The following AGBL1 variants were observed in gnomAD, a reference collection of about 807,000 sequenced individuals.
AGBL1 encodes AGBL carboxypeptidase 1.
Under a neutral mutation model 118.9 loss-of-function variants are expected in AGBL1, and 130 were observed. The observed-to-expected ratio is 1.09, with a 90% CI of 0.95 to 1.26. AGBL1 has a LOEUF of 1.26. AGBL1 is among the 50% of genes most tolerant of loss of function. The probability of loss-of-function intolerance (pLI) is 0.00; values close to 1 mark genes in which losing one functional copy is unlikely to be tolerated. For synonymous variants in AGBL1, 555 were observed against 478.9 expected (o/e 1.16, Z -2.08); for missense variants, 1,584 against 1,298.1 (o/e 1.22, Z -3.38).
chr15:86,210,114 C>G (rs1286449397), intron 5 of AGBL1, among the ~76,000 whole-genome samples: 1 of 152,154 alleles, frequency 6.6e-6, no homozygotes, highest in African/African-American at 2.4e-5. Context: ...GTTGAAAATT[C>G]TTTTCTTTAA....
At chr15:87,015,887 G>A (rs1237866325) in intron 24 of AGBL1, among the ~76,000 whole-genome samples, 1 of 152,170 alleles carries the variant, frequency 6.6e-6, no homozygotes, top group Non-Finnish European at 1.5e-5. Context: ...TACTACCTTA[G>A]AATGATGTTA....
intron 1 of AGBL1, among the ~76,000 whole-genome samples, chr15:86,100,136 A>G (rs1896624546): frequency 6.6e-6 from 1 of 152,140 alleles, no homozygotes; most frequent in Non-Finnish European, 1.5e-5. Flanking sequence ...GATATATGAC[A>G]GTTATTGAAT....
At chr15:86,706,583 A>G (rs1453058413) in intron 22 of AGBL1, among the ~76,000 whole-genome samples, 3 of 152,152 alleles carry the variant, frequency 2.0e-5, no homozygotes, top group African/African-American at 7.2e-5. Context: ...TAGTAATCAC[A>G]ATTCCCTAAG....
At chr15:86,140,306 G>A (rs1378919685) in intron 1 of AGBL1, 1 of 151,520 alleles carries the variant, frequency 6.6e-6, no homozygotes, top group East Asian at 1.9e-4. Flanking sequence ...GCCCTGGCTG[G>A]GATTTTGAAG....
At chr15:86,570,237 T>C (rs2083984563) in intron 21 of AGBL1, among the ~76,000 whole-genome samples, 1 of 152,208 alleles carries the variant, frequency 6.6e-6, no homozygotes, top group African/African-American at 2.4e-5. Context: ...ACCAGTGGGC[T>C]GGGGGAGGTC....
intron 18 of AGBL1, among the ~76,000 whole-genome samples, chr15:86,438,467 A>G (rs892300406): frequency 1.1e-4 from 17 of 152,104 alleles, no homozygotes; most frequent in Non-Finnish European, 2.1e-4. Flanking sequence ...TTATCCCCCA[A>G]TTCCTCTATC....
At chr15:86,521,946 C>A (rs1246761859) in intron 18 of AGBL1, among the ~76,000 whole-genome samples, 2 of 152,038 alleles carry the variant, frequency 1.3e-5, no homozygotes, top group Non-Finnish European at 2.9e-5. Context: ...GTAAATAATA[C>A]CTTAGCAGGA....
intron 21 of AGBL1, among the ~76,000 whole-genome samples, chr15:86,583,307 A>G (rs1028859222): frequency 6.6e-6 from 1 of 152,092 alleles, no homozygotes; most frequent in Admixed American, 6.6e-5. Context: ...TACTTAGCAT[A>G]CTACCTCATA....
intron 23 of AGBL1, among the ~76,000 whole-genome samples, chr15:86,954,902 T>A (rs1370194721): frequency 6.6e-6 from 1 of 152,230 alleles, no homozygotes; most frequent in African/African-American, 2.4e-5. Flanking sequence ...GACTTATTAG[T>A]CATGATAACT....
At chr15:86,569,443 T>C (rs2083969517) in intron 21 of AGBL1, among the ~76,000 whole-genome samples, 1 of 151,954 alleles carries the variant, frequency 6.6e-6, no homozygotes, top group Non-Finnish European at 1.5e-5. Context: ...ATCCGGATGC[T>C]AATCTATCAT....
intron 1 of AGBL1, among the ~76,000 whole-genome samples, chr15:86,095,296 C>A (rs1226960642): frequency 6.6e-6 from 1 of 152,152 alleles, no homozygotes; most frequent in Non-Finnish European, 1.5e-5. Context: ...TTGGCAGTTA[C>A]TTTGATCTCC....
intron 21 of AGBL1, among the ~76,000 whole-genome samples, chr15:86,605,216 C>T (rs940969674): frequency 2.0e-5 from 3 of 152,088 alleles, no homozygotes; most frequent in Non-Finnish European, 2.9e-5. Flanking sequence ...AGCTAACATT[C>T]CTTCAGCTTT....
At chr15:86,312,029 A>G (rs2079928731) in intron 17 of AGBL1, 1 of 152,210 alleles carries the variant, frequency 6.6e-6, no homozygotes, top group South Asian at 2.1e-4. Flanking sequence ...ATTTTTTCAC[A>G]ATGAATGTTC....
chr15:86,854,325 C>G (rs374148497), intron 22 of AGBL1, among the ~76,000 whole-genome samples: 1 of 152,092 alleles, frequency 6.6e-6, no homozygotes, highest in South Asian at 2.1e-4. Flanking sequence ...GCCTGATATG[C>G]CCATATGCTC....
At chr15:86,474,153 G>A (rs568629357) in intron 18 of AGBL1, among the ~76,000 whole-genome samples, 8 of 152,238 alleles carry the variant, frequency 5.3e-5, no homozygotes, top group Admixed American at 2.6e-4. Context: ...TGTGAGTGAC[G>A]CAGAAGACAG....
chr15:86,256,539 G>A (rs185436922), intron 7 of AGBL1, among the ~76,000 whole-genome samples: 3 of 152,356 alleles, frequency 2.0e-5, no homozygotes, highest in African/African-American at 7.2e-5. Context: ...CCTGAGCAAT[G>A]TCTTGCCTTA....
intron 18 of AGBL1, among the ~76,000 whole-genome samples, chr15:86,432,614 C>A (rs1194456057): frequency 6.6e-6 from 1 of 152,158 alleles, no homozygotes; most frequent in Non-Finnish European, 1.5e-5. Flanking sequence ...TAGAGTTACT[C>A]TTTTTCCCTC....
At position 86,141,933 on chromosome 15, in the gene AGBL1, A is replaced by G. The variant is rs2076968674; in HGVS notation, c.52-71A>G. 6 of 1,428,606 alleles carry G rather than the reference A, an allele frequency of 4.2e-6. No homozygotes were observed. In the South Asian group the frequency reaches 6.4e-5, roughly 15 times the overall value. The allele number at this position is 1,428,606 out of a possible 1,614,324, so 88.5% of individuals were successfully genotyped here. ...ACAGGAAGTAGAGCTCTGCCATTCCATGTACATCCCTGATCATCCAACTCC... is the reference window on the plus strand; with the variant it reads ...ACAGGAAGTAGAGCTCTGCCATTCCGTGTACATCCCTGATCATCCAACTCC... On this transcript the variant is annotated intron_variant, in intron 1 of 22. Coordinates refer to ENST00000614907, the MANE Select transcript of AGBL1 (RefSeq NM_001386094.1).
chr15:86,834,312 C>T (rs1042156535), intron 22 of AGBL1, among the ~76,000 whole-genome samples: 20 of 152,078 alleles, frequency 1.3e-4, no homozygotes, highest in Admixed American at 6.6e-4. Flanking sequence ...CCCAGACCAG[C>T]TCAGTGTGCA....
Sources: gnomAD v4.1 joint callset for allele counts (sites outside exome capture counted in the v4.1 genomes callset) on GRCh38, gnomAD v4.1.1 for gene constraint, MANE v1.5 for transcripts, NCBI Gene and HGNC (gene_info 2026-07-23, HGNC 2026-07-21) for gene names.